INTS4: variants seen among roughly 807,000 people sequenced by gnomAD.
The protein encoded by INTS4 is MSTP093.
Under a neutral mutation model 119.5 loss-of-function variants are expected in INTS4, and 70 were observed. The observed-to-expected ratio is 0.59, with a 90% CI of 0.48 to 0.71. The LOEUF (loss-of-function observed/expected upper bound fraction) is 0.71, where lower values mean the gene tolerates loss of function less well. Among genes scored for constraint, INTS4 ranks in the 30% least tolerant of loss-of-function variants. The pLI is 0.00. For synonymous variants in INTS4, 316 were observed against 419.6 expected, an observed-to-expected ratio of 0.75 and a Z score of 3.02; for missense variants, 867 against 1,173.2, an observed-to-expected ratio of 0.74 and a Z score of 3.81.
intron 10 of INTS4, among the ~76,000 whole-genome samples, chr11:77,931,452 CTTAAG>C (rs986427642): frequency 3.9e-5 from 6 of 152,148 alleles, no homozygotes; most frequent in Admixed American, 6.5e-5. Flanking sequence ...ACTTTTTAAA[CTTAAG>C]TTAATTTGAT....
intron 8 of INTS4, among the ~76,000 whole-genome samples, chr11:77,952,009 A>C (rs1191183857): frequency 6.6e-6 from 1 of 152,220 alleles, no homozygotes; most frequent in Non-Finnish European, 1.5e-5. Context: ...AAAAGTCAGG[A>C]AACAACAGGT....
chr11:77,929,624 G>T (rs1175653737), intron 10 of INTS4, among the ~76,000 whole-genome samples: 1 of 152,116 alleles, frequency 6.6e-6, no homozygotes. Flanking sequence ...GCAGGAATAG[G>T]ACCAATACTC....
chr11:77,892,140 T>A (rs547890688), intron 19 of INTS4, among the ~76,000 whole-genome samples: 6 of 152,310 alleles, frequency 3.9e-5, no homozygotes, highest in African/African-American at 1.2e-4. Context: ...GTATTATAGA[T>A]TCATTAATTA....
chr11:77,953,445 T>C (rs1387651883), intron 8 of INTS4, among the ~76,000 whole-genome samples: 1 of 152,152 alleles, frequency 6.6e-6, no homozygotes, highest in African/African-American at 2.4e-5. Flanking sequence ...CAGGTAAATA[T>C]GAGAGATATT....
At chr11:77,967,112 CA>C (rs1855538611) in intron 4 of INTS4, among the ~76,000 whole-genome samples, 2 of 152,052 alleles carry the variant, frequency 1.3e-5, no homozygotes, top group Admixed American at 1.3e-4. Flanking sequence ...AGCATCTTTT[CA>C]TATTGGATTA....
chr11:77,904,110 A>G (rs548408182), intron 16 of INTS4, among the ~76,000 whole-genome samples: 1 of 152,198 alleles, frequency 6.6e-6, no homozygotes, highest in African/African-American at 2.4e-5. Flanking sequence ...CCCTCTTTCA[A>G]TCTTTCTACA....
intron 15 of INTS4, among the ~76,000 whole-genome samples, chr11:77,909,916 T>C (rs1054921517): frequency 1.3e-5 from 2 of 152,196 alleles, no homozygotes; most frequent in African/African-American, 2.4e-5. Context: ...CCAGTTAGAA[T>C]GGCTATCATT....
At chr11:77,901,331 C>G in intron 18 of INTS4, 90 bp downstream of exon 18, 1 of 1,347,778 alleles carries the variant, frequency 7.4e-7, no homozygotes, top group Non-Finnish European at 1.1e-6. Context: ...TTTCATTTCA[C>G]TTATCATTAA....
At chr11:77,975,369 T>C (rs1039971185) in intron 4 of INTS4, among the ~76,000 whole-genome samples, 2 of 152,204 alleles carry the variant, frequency 1.3e-5, no homozygotes, top group African/African-American at 2.4e-5. Flanking sequence ...ATTTCCACAT[T>C]TGTGGGTTTA....
chr11:77,919,565 C>A (rs999917530), intron 14 of INTS4, among the ~76,000 whole-genome samples: 1 of 152,142 alleles, frequency 6.6e-6, no homozygotes, highest in African/African-American at 2.4e-5. Flanking sequence ...GGATTACAGG[C>A]GTGAGCCACT....
chr11:77,913,436 C>A (rs1953133315), intron 15 of INTS4, among the ~76,000 whole-genome samples: 1 of 151,570 alleles, frequency 6.6e-6, no homozygotes, highest in Non-Finnish European at 1.5e-5. Context: ...CTCAGCCTCC[C>A]GAGTAGCTGG....
chr11:77,935,390 G>A (rs1953762421), intron 10 of INTS4, among the ~76,000 whole-genome samples: 1 of 152,188 alleles, frequency 6.6e-6, no homozygotes, highest in Admixed American at 6.5e-5. Context: ...GTCCAATGTG[G>A]CTAGAGTTCA....
intron 18 of INTS4, among the ~76,000 whole-genome samples, chr11:77,901,053 GA>G (rs1952762436): frequency 6.6e-6 from 1 of 152,156 alleles, no homozygotes; most frequent in Non-Finnish European, 1.5e-5. Flanking sequence ...TATTGCCTGA[GA>G]AAAAGCTTAT....
intron 18 of INTS4, among the ~76,000 whole-genome samples, chr11:77,897,848 G>T (rs1952599571): frequency 1.3e-5 from 2 of 151,790 alleles, no homozygotes; most frequent in African/African-American, 4.8e-5. Context: ...TTGTTCTGTT[G>T]CCCAAGTTGG....
intron 15 of INTS4, among the ~76,000 whole-genome samples, chr11:77,913,547 G>A (rs1953137120): frequency 1.3e-5 from 2 of 152,086 alleles, no homozygotes; most frequent in South Asian, 2.1e-4. Flanking sequence ...TCCTGAGCTC[G>A]TGATCCGCCC....
chr11:77,876,358 C>G (rs1951594174), downstream of INTS4, among the ~76,000 whole-genome samples: 1 of 151,942 alleles, frequency 6.6e-6, no homozygotes, highest in South Asian at 2.1e-4. Context: ...AGGTGCCACA[C>G]TGGAGTGCTC....
At chr11:77,876,689 G>C (rs1286679330), downstream of INTS4, among the ~76,000 whole-genome samples, 6 of 152,060 alleles carry the variant, frequency 3.9e-5, no homozygotes, top group Non-Finnish European at 8.8e-5. Flanking sequence ...CTGTCCCTTA[G>C]TGCATGTCTA....
intron 2 of INTS4, chr11:77,987,643 G>C (rs1158376137): frequency 4.4e-6 from 2 of 450,950 alleles, no homozygotes; most frequent in African/African-American, 4.0e-5. Context: ...AAGCAGGAGG[G>C]TTGCTTGAGC....
chr11:77,895,527 G>GAAA lies in INTS4; in HGVS notation c.2229-1181_2229-1179dup, dbSNP rs71046921. 2.9e-3 allele frequency among the ~76,000 whole-genome samples: 114 copies of GAAA among 39,256 alleles called. 5 individuals carry two copies. The highest frequency in any genetic ancestry group is 0.01 in the African/African-American group (111 of 10,686). 25.8% of individuals were successfully genotyped at this position (39,256 alleles called of 152,430 possible). ...CAACATTCATTCTAATTCTTTTCCT[G>GAAA]AAAAAAAAAAAAAAAAAAAAAAAAA... On this transcript the variant is annotated intron_variant, in intron 18 of 22. Coordinates refer to ENST00000534064, the MANE Select transcript of INTS4 (RefSeq NM_033547.4).
Sources: gnomAD v4.1 joint callset for allele counts (sites outside exome capture counted in the v4.1 genomes callset) on GRCh38, gnomAD v4.1.1 for gene constraint, MANE v1.5 for transcripts, NCBI Gene and HGNC (gene_info 2026-07-23, HGNC 2026-07-21) for gene names.